ZNF521: variants seen among roughly 807,000 people sequenced by gnomAD.
The protein encoded by ZNF521 is LYST-interacting protein 3.
A neutral mutation model predicts 105.5 loss-of-function variants in ZNF521; 14 were observed. That is an observed-to-expected ratio of 0.13 (90% CI 0.09 to 0.21). The LOEUF (loss-of-function observed/expected upper bound fraction) is 0.21, where lower values mean the gene tolerates loss of function less well. Among genes scored for constraint, ZNF521 ranks in the 10% least tolerant of loss-of-function variants. The pLI is 1.00. For synonymous variants in ZNF521, 635 were observed against 606.0 expected, an observed-to-expected ratio of 1.05 and a Z score of -0.70; for missense variants, 1,233 against 1,629.7, an observed-to-expected ratio of 0.76 and a Z score of 4.19.
In ZNF521 at chr18:25,169,537, AT is replaced by A. The variant is rs1170878952; in HGVS notation, c.3658+25622del. Among the ~76,000 whole-genome samples, 7 of 152,032 alleles carry A rather than the reference AT, an allele frequency of 4.6e-5. 1 individual carries two copies. The East Asian group carries it at 1.4e-3, about 29-fold the overall frequency. On this transcript the variant is annotated intron_variant, in intron 5 of 7. Transcript: ENST00000361524. ...TGTTGAGATTTGTCTTACTTTCACT[AT>A]TTTTTTTAATAAAGACTAGTTTAAA...
Position 25,208,889 on chromosome 18 carries a change from C to T in ZNF521, c.3574-13645G>A, listed in dbSNP as rs569504397. On this transcript the variant is annotated intron_variant, in intron 4 of 7. Transcript: ENST00000361524. ...TTTCAGTAGAGACGAGGTCTTGCTA[C>T]GTTGCTTGGACTGTATCAATAGCTT... Among the ~76,000 whole-genome samples the T allele has an allele frequency of 2.6e-5, 4 of 152,186 alleles. No individual in the cohort carries two copies. The South Asian group carries it at 6.2e-4, about 24-fold the overall frequency.
At chr18:25,170,966 A>G (rs1046481255) in intron 5 of ZNF521, among the ~76,000 whole-genome samples, 2 of 152,138 alleles carry the variant, frequency 1.3e-5, no homozygotes, top group African/African-American at 4.8e-5. Context: ...AGTGTTAAGA[A>G]AATATAGTTA....
chr18:25,283,637 C>A (rs1367659120), intron 3 of ZNF521, among the ~76,000 whole-genome samples: 1 of 152,158 alleles, frequency 6.6e-6, no homozygotes, highest in Admixed American at 6.5e-5. Flanking sequence ...TATTCAATAG[C>A]TGAACATAAA....
chr18:25,267,056 C>CCTGTT (rs1339638298), intron 3 of ZNF521, among the ~76,000 whole-genome samples: 2 of 152,126 alleles, frequency 1.3e-5, no homozygotes, highest in East Asian at 3.9e-4. Flanking sequence ...GCACAGCAGT[C>CCTGTT]GAAGGTTGAC....
chr18:25,148,503 C>T (rs1309672461), intron 5 of ZNF521, among the ~76,000 whole-genome samples: 1 of 152,064 alleles, frequency 6.6e-6, no homozygotes, highest in Non-Finnish European at 1.5e-5. Flanking sequence ...CCCTCCATTC[C>T]TCCCTTCCTG....
chr18:25,153,865 G>A (rs975952855), intron 5 of ZNF521, among the ~76,000 whole-genome samples: 8 of 152,050 alleles, frequency 5.3e-5, no homozygotes, highest in Admixed American at 3.3e-4. Flanking sequence ...TTCACCAGTC[G>A]TAATATCAAG....
chr18:25,080,468 C>T (rs571548913), intron 7 of ZNF521, among the ~76,000 whole-genome samples: 46 of 152,256 alleles, frequency 3.0e-4, no homozygotes, highest in African/African-American at 9.9e-4. Flanking sequence ...GCTGTAGATT[C>T]GTTGCAAATA....
intron 2 of ZNF521, among the ~76,000 whole-genome samples, chr18:25,324,880 A>T (rs1913129177): frequency 6.6e-6 from 1 of 152,254 alleles, no homozygotes; most frequent in African/African-American, 2.4e-5. Flanking sequence ...ACCCCAGTCC[A>T]TGCTTCCAAC....
chr18:25,300,228 C>G (rs1911559623), intron 3 of ZNF521, among the ~76,000 whole-genome samples: 1 of 152,178 alleles, frequency 6.6e-6, no homozygotes, highest in Non-Finnish European at 1.5e-5. Context: ...GTGAGTAAGA[C>G]CACTGTGGAC....
chr18:25,315,053 C>A (rs1015517226), intron 3 of ZNF521, among the ~76,000 whole-genome samples: 4 of 152,174 alleles, frequency 2.6e-5, no homozygotes, highest in African/African-American at 7.2e-5. Context: ...TCCCCACCCC[C>A]TGAGGGAATT....
intron 7 of ZNF521, among the ~76,000 whole-genome samples, chr18:25,074,190 TA>T (rs1436259165): frequency 6.6e-6 from 1 of 152,180 alleles, no homozygotes; most frequent in Non-Finnish European, 1.5e-5. Context: ...CTTCTACAGG[TA>T]AAATTCCTGG....
chr18:25,066,432 G>A (rs566515630), intron 7 of ZNF521, among the ~76,000 whole-genome samples: 1 of 152,284 alleles, frequency 6.6e-6, no homozygotes, highest in East Asian at 1.9e-4. Context: ...CATTCTCTGG[G>A]GGAAGGAATG....
At chr18:25,321,061 C>A (rs1912910994) in intron 3 of ZNF521, among the ~76,000 whole-genome samples, 1 of 152,188 alleles carries the variant, frequency 6.6e-6, no homozygotes, top group African/African-American at 2.4e-5. Flanking sequence ...GGAAAACAGT[C>A]AGAGAACCAC....
At chr18:25,299,921 T>C (rs1159211662) in intron 3 of ZNF521, among the ~76,000 whole-genome samples, 1 of 152,214 alleles carries the variant, frequency 6.6e-6, no homozygotes, top group African/African-American at 2.4e-5. Context: ...CGTGCTCCTC[T>C]GCAGTGTGAC....
chr18:25,267,796 A>C (rs1388571824), intron 3 of ZNF521, among the ~76,000 whole-genome samples: 1 of 152,190 alleles, frequency 6.6e-6, no homozygotes, highest in East Asian at 1.9e-4. Context: ...TCAAAGACCA[A>C]AGGTAGATAA....
chr18:25,347,113 C>A (rs896502490), intron 2 of ZNF521, among the ~76,000 whole-genome samples: 2 of 152,112 alleles, frequency 1.3e-5, no homozygotes, highest in Admixed American at 1.3e-4. Flanking sequence ...TCACAATTGA[C>A]CAATTTGATG....
In ZNF521 at chr18:25,303,459, G is replaced by A. The variant is rs764380072; in HGVS notation, c.220+18549C>T. ...ACTACAGGTGCCCGCCACCATGCCC[G>A]GCTAATTTTTGTAGTTTTAGTAGAG... On this transcript the variant is annotated intron_variant, in intron 3 of 7. Transcript: ENST00000361524. Among the ~76,000 whole-genome samples, 14 of 151,972 alleles carry A rather than the reference G, an allele frequency of 9.2e-5. No individual in the cohort carries two copies. The South Asian group carries it at 1.2e-3, about 14-fold the overall frequency.
At chr18:25,210,180 T>C (rs910361599) in intron 4 of ZNF521, among the ~76,000 whole-genome samples, 4 of 152,230 alleles carry the variant, frequency 2.6e-5, no homozygotes, top group Non-Finnish European at 5.9e-5. Flanking sequence ...AGAATTTTCA[T>C]AGACTATGCC....
chr18:25,131,884 T>A (rs1420578217), intron 5 of ZNF521, among the ~76,000 whole-genome samples: 2 of 152,200 alleles, frequency 1.3e-5, no homozygotes, highest in African/African-American at 4.8e-5. Flanking sequence ...TACTTTTAAC[T>A]TCTTGTTGAC....
Sources: allele counts gnomAD v4.1 joint callset (sites outside exome capture counted in the v4.1 genomes callset), GRCh38; gene constraint gnomAD v4.1.1; transcripts MANE v1.5; gene names NCBI Gene and HGNC (gene_info 2026-07-23, HGNC 2026-07-21).